Variants in SPATA13 observed in about 807,000 individuals in gnomAD.
SPATA13 encodes the protein spermatogenesis-associated protein 13.
Under a neutral mutation model 104.0 loss-of-function variants are expected in SPATA13, and 50 were observed. The observed-to-expected ratio is 0.48, with a 90% CI of 0.38 to 0.61. The LOEUF (loss-of-function observed/expected upper bound fraction) is 0.61. SPATA13 is among the 20% of genes least tolerant of loss of function. The pLI is 0.00. For missense variants in SPATA13, 1,524 were observed against 1,690.6 expected, an observed-to-expected ratio of 0.90 and a Z score of 1.73; for synonymous variants, 606 against 667.5, an observed-to-expected ratio of 0.91 and a Z score of 1.42.
At chr13:24,287,138 T>C (rs1876016314) in intron 7 of SPATA13, among the ~76,000 whole-genome samples, 188 bp downstream of exon 7, 1 of 151,956 alleles carries the variant, frequency 6.6e-6, no homozygotes, top group South Asian at 2.1e-4. Context: ...GTGGAGGTTT[T>C]TTAGAGTCAG....
rs941491835 is a variant in SPATA13 at position 24,088,226 on chromosome 13, A to G, written c.-112+70525A>G. On this transcript the variant is annotated intron_variant, in intron 3 of 14. Coordinates refer to the SPATA13 transcript ENST00000424834. The surrounding 1 kb of genome is among the most constrained non-coding windows in gnomAD (Gnocchi z 4.3). ...GTTAATGCTCCCTAGGCAGCACTGGATGCCCACAGTGTTTGAGGTAGGGAT... is the reference window on the plus strand; with the variant it reads ...GTTAATGCTCCCTAGGCAGCACTGGGTGCCCACAGTGTTTGAGGTAGGGAT... Among the ~76,000 whole-genome samples, 3 of 152,172 alleles carry G rather than the reference A, an allele frequency of 2.0e-5. No individual in the cohort carries two copies. Among genetic ancestry groups the G allele is most frequent in the Admixed American group, 2.0e-4 (3 of 15,276 alleles).
chr13:23,989,150 G>A (rs555041465), intron 2 of SPATA13, among the ~76,000 whole-genome samples: 60 of 152,230 alleles, frequency 3.9e-4, no homozygotes, highest in African/African-American at 1.4e-3. Context: ...TTGGCTGGGC[G>A]CGGTGGCTCA....
chr13:24,099,909 G>A (rs1030216333), intron 3 of SPATA13, among the ~76,000 whole-genome samples: 36 of 152,128 alleles, frequency 2.4e-4, no homozygotes, highest in African/African-American at 8.4e-4. Flanking sequence ...GAAAAGCTAC[G>A]AAGAAATGCA....
At chr13:24,192,493 C>T (rs992224541) in intron 1 of SPATA13, among the ~76,000 whole-genome samples, 1 of 152,126 alleles carries the variant, frequency 6.6e-6, no homozygotes, top group African/African-American at 2.4e-5. Flanking sequence ...CCTCAGAATA[C>T]TGTTTCCAGC....
chr13:24,033,370 C>T (rs1040601930), intron 3 of SPATA13: 2 of 152,210 alleles, frequency 1.3e-5, no homozygotes, highest in East Asian at 3.8e-4. Flanking sequence ...TTGCATTTCC[C>T]TCTGTTCTTG....
rs972817993 is a variant in SPATA13, at chr13:24,088,716, C to G, written c.-112+71015C>G. Among the ~76,000 whole-genome samples the G allele has an allele frequency of 6.6e-6, 1 of 152,218 alleles. No homozygotes were observed. The highest frequency in any genetic ancestry group is 1.5e-5 in the Non-Finnish European group (1 of 68,040). On this transcript the variant is annotated intron_variant, in intron 3 of 14. Coordinates refer to the SPATA13 transcript ENST00000424834. The surrounding 1 kb of genome is among the most constrained non-coding windows in gnomAD (Gnocchi z 4.3). ...ACTCAGTGGCACTCGGGCCCTGCTTCTCACTGAGAGCTGCGTTTCCAGGGC... is the reference window on the plus strand; with the variant it reads ...ACTCAGTGGCACTCGGGCCCTGCTTGTCACTGAGAGCTGCGTTTCCAGGGC...
intron 4 of SPATA13, among the ~76,000 whole-genome samples, chr13:24,270,088 A>C (rs1240725779): frequency 6.6e-6 from 1 of 152,152 alleles, no homozygotes; most frequent in Non-Finnish European, 1.5e-5. Flanking sequence ...CTCATTGTTC[A>C]TAAAGTTAAA....
At chr13:24,263,083 A>G (rs1418686917) in intron 4 of SPATA13, among the ~76,000 whole-genome samples, 1 of 152,212 alleles carries the variant, frequency 6.6e-6, no homozygotes, top group Non-Finnish European at 1.5e-5. Flanking sequence ...AAAAGGAAGG[A>G]AAAAAAGAAA....
intron 3 of SPATA13, chr13:24,123,767 G>T (rs150636381): frequency 7.6e-7 from 1 of 1,312,820 alleles, no homozygotes; most frequent in Middle Eastern, 2.1e-4. Flanking sequence ...CTTGTATATG[G>T]GGCTTTGGAT....
intron 2 of SPATA13, among the ~76,000 whole-genome samples, chr13:24,007,518 G>A (rs1370508168): frequency 6.6e-6 from 1 of 152,218 alleles, no homozygotes; most frequent in East Asian, 1.9e-4. Context: ...GTGTAGTGGT[G>A]CGAACTTGGC....
intron 2 of SPATA13, among the ~76,000 whole-genome samples, chr13:24,235,514 C>A (rs1463078582): frequency 1.3e-5 from 2 of 152,188 alleles, no homozygotes; most frequent in Non-Finnish European, 2.9e-5. Context: ...AATCCCAGCA[C>A]TTTGGGAGGT....
intron 3 of SPATA13, among the ~76,000 whole-genome samples, chr13:24,114,726 G>A (rs544857723): frequency 4.6e-5 from 7 of 151,964 alleles, no homozygotes; most frequent in Non-Finnish European, 8.8e-5. Flanking sequence ...GCAATGGCAC[G>A]ATCTTGGCTC....
chr13:24,191,342 A>G (rs1869732170), intron 1 of SPATA13, among the ~76,000 whole-genome samples: 1 of 152,070 alleles, frequency 6.6e-6, no homozygotes, highest in Admixed American at 6.6e-5. Context: ...GGTAGACTAC[A>G]GTATAATGTA....
chr13:24,016,644 C>T lies in SPATA13; in HGVS notation c.-146-1023C>T, dbSNP rs76978214. ...CTGCAGGGCTGTGGGGGTACCTCCC[C>T]GCTCCCTCTCCTTCCTGGCTCTCAG... On this transcript the variant is annotated intron_variant, in intron 2 of 14. Transcript: ENST00000424834. Among the ~76,000 whole-genome samples the T allele has an allele frequency of 1.7e-4, 26 of 152,344 alleles. No homozygotes were observed. In the East Asian group the frequency reaches 4.2e-3, roughly 25 times the overall value.
intron 1 of SPATA13, among the ~76,000 whole-genome samples, chr13:24,212,883 G>T (rs1871102416): frequency 6.6e-6 from 1 of 152,232 alleles, no homozygotes; most frequent in Non-Finnish European, 1.5e-5. Context: ...AGAAACCACA[G>T]TAAACAACAG....
chr13:24,282,307 C>G (rs373972796), intron 4 of SPATA13, among the ~76,000 whole-genome samples: 1 of 152,184 alleles, frequency 6.6e-6, no homozygotes, highest in East Asian at 1.9e-4. Context: ...ACTCTTCAGT[C>G]AGAAACCAGA....
At chr13:24,023,003 A>G (rs1024553829) in intron 3 of SPATA13, among the ~76,000 whole-genome samples, 1 of 152,098 alleles carries the variant, frequency 6.6e-6, no homozygotes, top group Admixed American at 6.6e-5. Flanking sequence ...AGCTCGTTAC[A>G]TAGGTATACA....
intron 1 of SPATA13, among the ~76,000 whole-genome samples, chr13:24,210,327 T>C (rs1870942658): frequency 6.6e-6 from 1 of 152,226 alleles, no homozygotes. Flanking sequence ...TTTAGTGTTA[T>C]ATCCAAGAAC....
chr13:24,123,847 G>T (rs1378532723), intron 3 of SPATA13: 1 of 726,720 alleles, frequency 1.4e-6, no homozygotes, highest in South Asian at 1.6e-5. Flanking sequence ...GCCCATTGGG[G>T]AATATACAGG....
Sources: gnomAD v4.1 joint callset for allele counts (sites outside exome capture counted in the v4.1 genomes callset) on GRCh38, gnomAD v4.1.1 for gene constraint, Gnocchi (gnomAD v3.1) non-coding constraint, MANE v1.5 for transcripts, NCBI Gene and HGNC (gene_info 2026-07-23, HGNC 2026-07-21) for gene names.